CSMD1: variants seen among roughly 807,000 people sequenced by gnomAD.
The protein encoded by CSMD1 is CUB and Sushi multiple domains 1.
In CSMD1, 213 loss-of-function variants were observed where a neutral mutation model predicts 417.5. The observed-to-expected ratio is 0.51, with a 90% CI of 0.46 to 0.57. The LOEUF is 0.57. Ranked by LOEUF, CSMD1 falls within the 20% of genes least tolerant of loss-of-function variation. CSMD1 has a pLI of 0.00. For synonymous variants in CSMD1, 2,862 were observed against 1,736.8 expected (o/e 1.65, Z -16.11); for missense variants, 6,923 against 4,529.7 (o/e 1.53, Z -15.17).
At chr8:3,589,836 C>T (rs59620160) in intron 8 of CSMD1, among the ~76,000 whole-genome samples, 14,207 of 152,090 alleles carry the variant, frequency 0.093, 1,221 homozygotes, top group African/African-American at 0.2. Context: ...TATTCATATT[C>T]CAGACTCTCA....
intron 37 of CSMD1, among the ~76,000 whole-genome samples, chr8:3,179,823 G>T (rs1302959067): frequency 6.6e-6 from 1 of 152,156 alleles, no homozygotes; most frequent in Non-Finnish European, 1.5e-5. Context: ...AACATCCACA[G>T]TATCATTTTA....
At chr8:3,516,467 C>G (rs1797286765) in intron 10 of CSMD1, among the ~76,000 whole-genome samples, 1 of 152,138 alleles carries the variant, frequency 6.6e-6, no homozygotes, top group South Asian at 2.1e-4. Context: ...TTGGAGTTGC[C>G]ACTTCAGTGT....
chr8:4,600,547 T>C (rs527310641), intron 2 of CSMD1, among the ~76,000 whole-genome samples: 3 of 152,300 alleles, frequency 2.0e-5, no homozygotes, highest in Admixed American at 2.0e-4. Flanking sequence ...ACACAGTTGA[T>C]TATAACTATT....
chr8:4,809,273 G>C (rs1798767159), intron 1 of CSMD1, among the ~76,000 whole-genome samples: 1 of 152,242 alleles, frequency 6.6e-6, no homozygotes, highest in South Asian at 2.1e-4. Flanking sequence ...AGGGCAATAA[G>C]AAAATCATTA....
At chr8:4,453,763 G>T (rs574370166) in intron 2 of CSMD1, among the ~76,000 whole-genome samples, 1 of 148,896 alleles carries the variant, frequency 6.7e-6, no homozygotes, top group African/African-American at 2.5e-5. Flanking sequence ...CCATTTGAGC[G>T]AACGCCTCAG....
Position 2,938,637 on chromosome 8 carries a change from G to A in CSMD1, c.10643C>T (p.Ala3548Val). ...AGTTGTGTCAAACCTCACAGCCTTG[G>A]CTTCTGTGGGTTTTAAGTTTGTATC... is the stretch of plus-strand genomic sequence containing the variant. ...MYDTNLKPTE[A>V]KAVRFDTTLN... Residue 3548 changes from alanine (A) to valine (V), a missense_variant, in exon 70 of 70, where the codon GCC (alanine) becomes GTC (valine). Physicochemically the swap from Ala to Val is moderately conservative, Grantham distance 64 (BLOSUM62 0). Coordinates refer to ENST00000635120, the MANE Select transcript of CSMD1 (RefSeq NM_033225.6). 1 of 1,611,822 alleles carries A rather than the reference G, an allele frequency of 6.2e-7. No individual in the cohort carries two copies. Among genetic ancestry groups the A allele is most frequent in the Non-Finnish European group, 8.5e-7 (1 of 1,178,980 alleles).
At chr8:4,203,931 T>C (rs1799820481) in intron 3 of CSMD1, among the ~76,000 whole-genome samples, 1 of 151,890 alleles carries the variant, frequency 6.6e-6, no homozygotes, top group Non-Finnish European at 1.5e-5. Context: ...CGAAACCTCA[T>C]CTCTACAAAA....
At chr8:4,429,041 G>C (rs1237998777) in intron 2 of CSMD1, among the ~76,000 whole-genome samples, 3 of 151,844 alleles carry the variant, frequency 2.0e-5, no homozygotes, top group Non-Finnish European at 4.4e-5. Flanking sequence ...TTTAATAAGA[G>C]TTTTACATAC....
chr8:4,380,841 A>G (rs1275051129), intron 3 of CSMD1, among the ~76,000 whole-genome samples: 1 of 152,192 alleles, frequency 6.6e-6, no homozygotes, highest in Non-Finnish European at 1.5e-5. Flanking sequence ...TCTGTGTTTA[A>G]TATCTCATTA....
In CSMD1 at chr8:4,223,305, A is replaced by G. The variant is rs147202008; in HGVS notation, c.416-191206T>C. On this transcript the variant is annotated intron_variant, in intron 3 of 69. Transcript: ENST00000635120. ...TTTTTGCCTCGAAATTCACCTGCAC[A>G]CTCGTGGGGACTCTGAAGAACACTG... 5.0e-3 allele frequency among the ~76,000 whole-genome samples: 766 copies of G among 152,294 alleles called. 6 individuals are homozygous for G. The highest frequency in any genetic ancestry group is 0.018 in the African/African-American group (745 of 41,544).
intron 3 of CSMD1, among the ~76,000 whole-genome samples, chr8:4,189,042 G>A (rs1253252687): frequency 6.6e-6 from 1 of 152,128 alleles, no homozygotes; most frequent in African/African-American, 2.4e-5. Context: ...GAAAGCCCAG[G>A]TTTTATTTGT....
At chr8:3,363,770 A>G (rs1011395552) in intron 20 of CSMD1, among the ~76,000 whole-genome samples, 3 of 152,302 alleles carry the variant, frequency 2.0e-5, no homozygotes, top group Non-Finnish European at 4.4e-5. Flanking sequence ...CTGAGAAATG[A>G]TGCTAATTCA....
intron 1 of CSMD1, among the ~76,000 whole-genome samples, chr8:4,955,701 C>A (rs986362198): frequency 6.8e-6 from 1 of 146,080 alleles, no homozygotes; most frequent in African/African-American, 2.5e-5. Flanking sequence ...GGTGATCCAC[C>A]CACCTCGGCC....
Position 2,974,398 on chromosome 8 carries a change from T to G in CSMD1, c.8740+53A>C, listed in dbSNP as rs937360878. On this transcript the variant is annotated intron_variant, in intron 56 of 69. Transcript: ENST00000635120. The stretch of plus-strand genomic sequence containing the variant: ...ATCATCATTATTTGAAATCACTATT[T>G]GAAAAGTTATTTGAAATCTGTAATT... The G allele has an allele frequency of 7.1e-6, 10 of 1,403,404 alleles. No individual in the cohort carries two copies. In the African/African-American group the frequency reaches 1.4e-4, roughly 20 times the overall value. 86.9% of individuals were successfully genotyped at this position (1,403,404 alleles called of 1,614,324 possible).
intron 3 of CSMD1, among the ~76,000 whole-genome samples, chr8:4,146,218 C>G (rs1259824011): frequency 6.6e-6 from 1 of 151,046 alleles, no homozygotes; most frequent in East Asian, 1.9e-4. Context: ...CGTTTGGAAA[C>G]ATGAACTTGG....
At position 3,670,604 on chromosome 8, in the gene CSMD1, A is replaced by ATATATATGG. The variant is rs771999714; in HGVS notation, c.1009+37809_1009+37810insCCATATATA. On this transcript the variant is annotated intron_variant, in intron 7 of 69. Transcript: ENST00000635120. ...ATATATATGGGGATATATATATTGC[A>ATATATATGG]CATATATATGGGGATATATATATGG... 5.7e-5 allele frequency among the ~76,000 whole-genome samples: 8 copies of ATATATATGG among 140,594 alleles called. No individual in the cohort carries two copies. The South Asian group carries it at 1.8e-3, about 32-fold the overall frequency. 92.2% of individuals were successfully genotyped at this position (140,594 alleles called of 152,430 possible).
intron 8 of CSMD1, among the ~76,000 whole-genome samples, chr8:3,605,197 G>C (rs746995100): frequency 2.0e-5 from 3 of 152,266 alleles, no homozygotes; most frequent in Middle Eastern, 3.4e-3. Context: ...TCCCTGTTTT[G>C]ACTAGGCTGG....
At chr8:3,958,329 T>G (rs925418540) in intron 5 of CSMD1, among the ~76,000 whole-genome samples, 9 of 152,062 alleles carry the variant, frequency 5.9e-5, no homozygotes, top group Admixed American at 2.6e-4. Context: ...TCTTTTTTTT[T>G]TTTTTTTCCA....
chr8:4,192,635 T>C (rs1043699227), intron 3 of CSMD1, among the ~76,000 whole-genome samples: 2 of 152,212 alleles, frequency 1.3e-5, no homozygotes, highest in African/African-American at 4.8e-5. Context: ...GAGGGCATAT[T>C]TGCTCAGGGA....
Sources: gnomAD v4.1 joint callset for allele counts (sites outside exome capture counted in the v4.1 genomes callset) on GRCh38, gnomAD v4.1.1 for gene constraint, MANE v1.5 for transcripts, NCBI Gene and HGNC (gene_info 2026-07-23, HGNC 2026-07-21) for gene names.